The following DLGAP2 variants were observed in gnomAD, a reference collection of about 807,000 sequenced individuals.
DLGAP2 encodes the protein DLG associated protein 2, also known as disks large-associated protein 2.
Under a neutral mutation model 100.3 loss-of-function variants are expected in DLGAP2, and 26 were observed. The ratio of observed to expected loss-of-function variants is 0.26; its 90% confidence interval spans 0.19 to 0.36. DLGAP2 has a LOEUF of 0.36. Among genes scored for constraint, DLGAP2 ranks in the 10% least tolerant of loss-of-function variants. DLGAP2 has a pLI of 1.00. For missense variants in DLGAP2, 1,858 were observed against 1,453.2 expected (o/e 1.28, Z -4.53); for synonymous variants, 886 against 630.1 (o/e 1.41, Z -6.08).
intron 2 of DLGAP2, among the ~76,000 whole-genome samples, chr8:942,504 A>G (rs1166423343): frequency 6.6e-6 from 1 of 152,202 alleles, no homozygotes; most frequent in Non-Finnish European, 1.5e-5. Context: ...CCAGCATCCC[A>G]GCTCTCCTGG....
chr8:1,420,588 T>G (rs2129932360), intron 3 of DLGAP2, among the ~76,000 whole-genome samples: 1 of 152,348 alleles, frequency 6.6e-6, no homozygotes, highest in East Asian at 1.9e-4. Flanking sequence ...TATGATCTTC[T>G]ATGTTGAGCA....
chr8:966,768 C>T (rs1239558588), intron 2 of DLGAP2, among the ~76,000 whole-genome samples: 1 of 152,214 alleles, frequency 6.6e-6, no homozygotes, highest in Non-Finnish European at 1.5e-5. Flanking sequence ...TGCCTCTCCT[C>T]ACATTTCCTA....
intron 1 of DLGAP2, among the ~76,000 whole-genome samples, chr8:889,890 A>C (rs1797999173): frequency 6.6e-6 from 1 of 152,178 alleles, no homozygotes. Flanking sequence ...CAGTGGCGTG[A>C]GTTTGCAAGT....
intron 8 of DLGAP2, among the ~76,000 whole-genome samples, chr8:1,636,528 T>A (rs1190692976): frequency 6.6e-6 from 1 of 152,242 alleles, no homozygotes. Flanking sequence ...TTTTTGTTGC[T>A]TTTTTAAAAT....
chr8:1,106,938 C>T (rs1804793725), intron 2 of DLGAP2, among the ~76,000 whole-genome samples: 1 of 152,150 alleles, frequency 6.6e-6, no homozygotes, highest in African/African-American at 2.4e-5. Flanking sequence ...AGGATTGCTT[C>T]AACATCTCAG....
At chr8:1,538,740 G>A (rs1801243235) in intron 4 of DLGAP2, among the ~76,000 whole-genome samples, 1 of 152,120 alleles carries the variant, frequency 6.6e-6, no homozygotes, top group Non-Finnish European at 1.5e-5. Context: ...GCCCCAGGGT[G>A]CAGCCCTCCC....
intron 2 of DLGAP2, among the ~76,000 whole-genome samples, chr8:1,050,311 C>T (rs1293975191): frequency 6.6e-6 from 1 of 152,186 alleles, no homozygotes; most frequent in Admixed American, 6.5e-5. Context: ...CATACGAGTG[C>T]CCCTCTGCTT....
intron 1 of DLGAP2, among the ~76,000 whole-genome samples, chr8:801,187 C>T (rs1339463491): frequency 6.6e-6 from 1 of 152,172 alleles, no homozygotes; most frequent in Non-Finnish European, 1.5e-5. Context: ...GTGCACCTTC[C>T]GTGGTTGACA....
At chr8:1,331,371 A>G (rs75777678) in intron 3 of DLGAP2, among the ~76,000 whole-genome samples, 2,015 of 152,028 alleles carry the variant, frequency 0.013, 25 homozygotes, top group South Asian at 0.054. Context: ...GCTAGTGGGC[A>G]GGTCGCTGGC....
chr8:1,658,758 C>T (rs759253220), intron 8 of DLGAP2, among the ~76,000 whole-genome samples: 16 of 152,064 alleles, frequency 1.1e-4, no homozygotes, highest in African/African-American at 4.8e-5. Context: ...GTCTGGCTAC[C>T]GGTCCATGTA....
chr8:1,519,423 G>C (rs1336904743), intron 4 of DLGAP2, among the ~76,000 whole-genome samples: 2 of 152,188 alleles, frequency 1.3e-5, no homozygotes, highest in Non-Finnish European at 1.5e-5. Context: ...GCTGCTGAAA[G>C]GGCCTTTGCA....
chr8:1,325,247 C>T (rs1169261763), intron 3 of DLGAP2, among the ~76,000 whole-genome samples: 3 of 152,184 alleles, frequency 2.0e-5, no homozygotes, highest in South Asian at 2.1e-4. Context: ...ATTCCACGAC[C>T]CCAAGAGTGA....
chr8:1,303,469 G>A lies in DLGAP2; in HGVS notation c.106+44586G>A, dbSNP rs1377109262. ...TGTTTTCCTCCAAGATTTCCCATGG[G>A]TGGGAAGGAGCTTCGACCTGGAAAT... On this transcript the variant is annotated intron_variant, in intron 3 of 14. Coordinates refer to ENST00000637795, the MANE Select transcript of DLGAP2 (RefSeq NM_001346810.2). Among the ~76,000 whole-genome samples, 8 of 152,106 alleles carry A rather than the reference G, an allele frequency of 5.3e-5. 1 individual carries two copies. The South Asian group carries it at 1.7e-3, about 32-fold the overall frequency.
intron 1 of DLGAP2, among the ~76,000 whole-genome samples, chr8:741,620 G>A (rs937935676): frequency 6.6e-6 from 1 of 152,128 alleles, no homozygotes; most frequent in East Asian, 1.9e-4. Context: ...ATTTATTGGC[G>A]GGCCTTCAGG....
chr8:912,849 C>G (rs918337497), intron 2 of DLGAP2, among the ~76,000 whole-genome samples: 1 of 149,952 alleles, frequency 6.7e-6, no homozygotes, highest in African/African-American at 2.5e-5. Flanking sequence ...GTGGAGCTGA[C>G]CCCCGCACCA....
At chr8:1,413,755 C>G (rs575573293) in intron 3 of DLGAP2, among the ~76,000 whole-genome samples, 2 of 152,328 alleles carry the variant, frequency 1.3e-5, no homozygotes, top group South Asian at 2.1e-4. Flanking sequence ...GGTGCAATGA[C>G]AGGATGATGG....
At chr8:1,153,089 A>G (rs557301372) in intron 2 of DLGAP2, among the ~76,000 whole-genome samples, 1 of 152,260 alleles carries the variant, frequency 6.6e-6, no homozygotes, top group East Asian at 1.9e-4. Flanking sequence ...TACCTTTGAG[A>G]GGCCTTCTCC....
At chr8:1,131,398 C>A (rs948796020) in intron 2 of DLGAP2, among the ~76,000 whole-genome samples, 3 of 152,166 alleles carry the variant, frequency 2.0e-5, no homozygotes, top group Non-Finnish European at 4.4e-5. Context: ...TTCTCCCTGG[C>A]TTGCGGGAGG....
At chr8:813,181 A>C (rs536577074) in intron 1 of DLGAP2, among the ~76,000 whole-genome samples, 2 of 152,260 alleles carry the variant, frequency 1.3e-5, no homozygotes, top group East Asian at 1.9e-4. Context: ...ACCTTATTAT[A>C]TGGTCAAGAC....
Sources: allele counts gnomAD v4.1 joint callset (sites outside exome capture counted in the v4.1 genomes callset), GRCh38; gene constraint gnomAD v4.1.1; transcripts MANE v1.5; gene names NCBI Gene and HGNC (gene_info 2026-07-23, HGNC 2026-07-21).